The following RAD51B variants were observed in gnomAD, a reference collection of about 807,000 sequenced individuals.
RAD51B encodes the protein RAD51 paralog B, also known as DNA repair protein RAD51 homolog 2.
RAD51B carries 38 observed loss-of-function variants against 42.2 expected under a neutral mutation model. That is an observed-to-expected ratio of 0.90 (90% confidence interval 0.70 to 1.18). RAD51B has a LOEUF of 1.18. RAD51B is among the 50% of genes most tolerant of loss of function. The pLI is 0.00. For synonymous variants in RAD51B, 154 were observed against 145.2 expected (o/e 1.06, Z -0.43); for missense variants, 373 against 400.7 (o/e 0.93, Z 0.59).
chr14:68,071,939 A>C, intron 7 of RAD51B, among the ~76,000 whole-genome samples: 1 of 149,848 alleles, frequency 6.7e-6, no homozygotes, highest in East Asian at 1.9e-4. Context: ...TTTGGAACTC[A>C]TTATTGATCT....
chr14:68,584,736 C>A (rs1479104087), intron 10 of RAD51B, among the ~76,000 whole-genome samples: 4 of 152,196 alleles, frequency 2.6e-5, no homozygotes, highest in Non-Finnish European at 5.9e-5. Context: ...GTATTGTTTA[C>A]CACCTGGACC....
At chr14:68,343,793 G>T (rs1380234378) in intron 8 of RAD51B, among the ~76,000 whole-genome samples, 1 of 152,288 alleles carries the variant, frequency 6.6e-6, no homozygotes, top group Non-Finnish European at 1.5e-5. Context: ...GCTCAGGCTT[G>T]AGACACTGCT....
intron 8 of RAD51B, among the ~76,000 whole-genome samples, chr14:68,367,321 A>C (rs1339956982): frequency 6.6e-6 from 1 of 152,210 alleles, no homozygotes; most frequent in Admixed American, 6.5e-5. Flanking sequence ...ACTAAATTAC[A>C]TGTATCATTG....
At chr14:68,495,026 G>T (rs1401468585) in intron 10 of RAD51B, among the ~76,000 whole-genome samples, 1 of 152,178 alleles carries the variant, frequency 6.6e-6, no homozygotes, top group Non-Finnish European at 1.5e-5. Flanking sequence ...TTCTAGAAAT[G>T]TCAGCATTCT....
In RAD51B at chr14:68,635,018, G is replaced by A. The variant is rs534258731; in HGVS notation, c.1037-15763G>A. Among the ~76,000 whole-genome samples the A allele has an allele frequency of 3.9e-5, 6 of 152,220 alleles. 1 individual carries two copies. The highest frequency in any genetic ancestry group is 2.1e-4 in the South Asian group (1 of 4,820). On this transcript the variant is annotated intron_variant, in intron 10 of 11. Coordinates refer to the RAD51B transcript ENST00000488612. ...TAATCCTTTCAAAAATAAGACTCTG[G>A]GAGCCTCCGGTGACAGGGCCATATG... is the stretch of plus-strand genomic sequence containing the variant.
chr14:68,599,359 C>T (rs1388430387), downstream of RAD51B, among the ~76,000 whole-genome samples: 4 of 152,118 alleles, frequency 2.6e-5, no homozygotes, highest in Admixed American at 1.3e-4. Context: ...GCAGAAGTTG[C>T]GCAAGGTGGA....
chr14:68,031,946 G>C (rs75789507), intron 7 of RAD51B, among the ~76,000 whole-genome samples: 3,913 of 152,160 alleles, frequency 0.026, 65 homozygotes, highest in Middle Eastern at 0.044. Flanking sequence ...ATTCACCTTA[G>C]AAGGATTTTG....
intron 7 of RAD51B, among the ~76,000 whole-genome samples, chr14:68,008,236 G>A (rs951335676): frequency 1.3e-5 from 2 of 151,682 alleles, no homozygotes; most frequent in African/African-American, 4.8e-5. Flanking sequence ...ATCAGCAAGA[G>A]GATGGTTAAT....
At chr14:68,459,406 C>G (rs1397213082) in intron 9 of RAD51B, among the ~76,000 whole-genome samples, 1 of 152,226 alleles carries the variant, frequency 6.6e-6, no homozygotes, top group Non-Finnish European at 1.5e-5. Context: ...GTCGCAGACA[C>G]TTGGCATAGC....
intron 8 of RAD51B, among the ~76,000 whole-genome samples, chr14:68,332,301 A>G (rs1388718014): frequency 1.3e-5 from 2 of 152,202 alleles, no homozygotes; most frequent in Admixed American, 1.3e-4. Flanking sequence ...TGAGATACAC[A>G]CACACACACA....
chr14:68,465,754 A>G (rs2085957925), intron 9 of RAD51B, among the ~76,000 whole-genome samples: 1 of 151,992 alleles, frequency 6.6e-6, no homozygotes, highest in African/African-American at 2.4e-5. Flanking sequence ...ATCCTGGCTA[A>G]CACAGTAAAA....
At chr14:68,669,310 C>T (rs1893102476) in intron 11 of RAD51B, among the ~76,000 whole-genome samples, 1 of 152,224 alleles carries the variant, frequency 6.6e-6, no homozygotes, top group Non-Finnish European at 1.5e-5. Flanking sequence ...CCCTGAGGCA[C>T]CTAGAAAGTG....
chr14:68,238,393 T>C (rs2080311377), intron 7 of RAD51B, among the ~76,000 whole-genome samples: 2 of 152,216 alleles, frequency 1.3e-5, no homozygotes, highest in East Asian at 1.9e-4. Flanking sequence ...CTTGAACTTC[T>C]GGGCTCAAGC....
At chr14:68,139,342 A>G (rs999058859) in intron 7 of RAD51B, among the ~76,000 whole-genome samples, 2 of 152,058 alleles carry the variant, frequency 1.3e-5, no homozygotes, top group Admixed American at 1.3e-4. Flanking sequence ...TGTGTCAGTC[A>G]TAGAAGCAGA....
chr14:68,277,679 C>T (rs1411215651), intron 7 of RAD51B, among the ~76,000 whole-genome samples: 1 of 152,016 alleles, frequency 6.6e-6, no homozygotes, highest in Non-Finnish European at 1.5e-5. Context: ...TTATCTATTA[C>T]CATAGTATTT....
rs2042722694 is a variant in RAD51B at position 67,876,223 on chromosome 14, T to A, written c.453-9646T>A. Among the ~76,000 whole-genome samples, 3 of 152,320 alleles carry A rather than the reference T, an allele frequency of 2.0e-5. No individual in the cohort carries two copies. In the South Asian group the frequency reaches 6.2e-4, roughly 32 times the overall value. ...AATGAACAGAGATATAGTACGTATG[T>A]ACAAGAAGCTTTGAGAAGCAATAAG... On this transcript the variant is annotated intron_variant, in intron 5 of 10. Coordinates refer to ENST00000471583, the MANE Select transcript of RAD51B (RefSeq NM_133510.4).
At chr14:68,340,929 T>C (rs939145192) in intron 8 of RAD51B, among the ~76,000 whole-genome samples, 3 of 152,250 alleles carry the variant, frequency 2.0e-5, no homozygotes, top group Non-Finnish European at 2.9e-5. Flanking sequence ...TTCATCCTTA[T>C]AGGTTAAGAA....
intron 4 of RAD51B, among the ~76,000 whole-genome samples, chr14:67,854,924 C>T (rs1401157497): frequency 6.6e-6 from 1 of 152,132 alleles, no homozygotes; most frequent in East Asian, 1.9e-4. Flanking sequence ...ATGCTTGTGC[C>T]ACTGCACTTC....
intron 7 of RAD51B, among the ~76,000 whole-genome samples, chr14:67,974,683 A>T (rs1351757069): frequency 6.6e-6 from 1 of 152,178 alleles, no homozygotes; most frequent in African/African-American, 2.4e-5. Flanking sequence ...TAATCAGTTA[A>T]TGGTCGACCC....
Sources: allele counts gnomAD v4.1 joint callset (sites outside exome capture counted in the v4.1 genomes callset), GRCh38; gene constraint gnomAD v4.1.1; transcripts MANE v1.5; gene names NCBI Gene and HGNC (gene_info 2026-07-23, HGNC 2026-07-21).